The following EXT2 variants were observed in gnomAD, a reference collection of about 807,000 sequenced individuals.
The protein encoded by EXT2 is exostosin-2.
In EXT2, 53 loss-of-function variants were observed where a neutral mutation model predicts 81.6. The observed-to-expected ratio is 0.65, with a 90% confidence interval of 0.52 to 0.82. The LOEUF is 0.82. Among genes scored for constraint, EXT2 ranks in the 40% least tolerant of loss-of-function variants. The pLI is 0.00. For synonymous variants in EXT2, 320 were observed against 340.0 expected (o/e 0.94, Z 0.65); for missense variants, 774 against 910.2 (o/e 0.85, Z 1.93).
At position 44,234,172 on chromosome 11, in the gene EXT2, G is replaced by C. The variant is rs1365569842; in HGVS notation, c.1864G>C (p.Ala622Pro). 1.2e-6 allele frequency: 2 copies of C among 1,614,022 alleles called. No homozygotes were observed. The highest frequency in any genetic ancestry group is 2.7e-5 in the African/African-American group (2 of 74,926). ...TGGGGATATCAAGAACTGGGTAGAT[G>C]CTCATATGAACTGTGAAGATATTGC... ...MPGDIKNWVD[A>P]HMNCEDIAMN... Residue 622 changes from alanine to proline, a missense_variant, in exon 12 of 14, where the codon GCT becomes CCT. Ala to Pro is a conservative substitution (Grantham distance 27, BLOSUM62 -1). Coordinates refer to ENST00000533608, the MANE Select transcript of EXT2 (RefSeq NM_207122.2).
intron 7 of EXT2, among the ~76,000 whole-genome samples, chr11:44,152,561 G>T (rs1240469608): frequency 6.6e-6 from 1 of 152,162 alleles, no homozygotes; most frequent in Non-Finnish European, 1.5e-5. Context: ...ATGTTGGCCA[G>T]GCTGGTCTTG....
At chr11:44,195,866 C>T (rs999125396) in intron 8 of EXT2, among the ~76,000 whole-genome samples, 5 of 152,190 alleles carry the variant, frequency 3.3e-5, no homozygotes, top group African/African-American at 1.2e-4. Context: ...CACCGAATTA[C>T]ACATTTAACA....
intron 8 of EXT2, among the ~76,000 whole-genome samples, chr11:44,195,657 G>A (rs1234131180): frequency 6.6e-6 from 1 of 152,150 alleles, no homozygotes. Context: ...TTGTCACAAA[G>A]TTGGTGATGG....
chr11:44,157,316 C>G lies in EXT2; in HGVS notation c.1174-14295C>G, dbSNP rs573178940. On this transcript the variant is annotated intron_variant, in intron 7 of 13. Coordinates refer to ENST00000533608, the MANE Select transcript of EXT2 (RefSeq NM_207122.2). Reference sequence around the variant, plus strand: ...ATTCTGGCTTATGTCCTCTGCAGGACAGCAGGCCTCACCCCTGGCCCAAGT... The same window carrying G: ...ATTCTGGCTTATGTCCTCTGCAGGAGAGCAGGCCTCACCCCTGGCCCAAGT... 2.7e-4 allele frequency among the ~76,000 whole-genome samples: 41 copies of G among 152,308 alleles called. No individual in the cohort carries two copies. In the South Asian group the frequency reaches 7.5e-3, roughly 28 times the overall value.
At chr11:44,170,125 A>T (rs1955050342) in intron 7 of EXT2, among the ~76,000 whole-genome samples, 1 of 152,184 alleles carries the variant, frequency 6.6e-6, no homozygotes, top group South Asian at 2.1e-4. Context: ...AGTTTAAATA[A>T]ATTGCAAAGT....
chr11:44,119,139 T>TATATAC (rs1555004260), intron 4 of EXT2, among the ~76,000 whole-genome samples: 1 of 24,646 alleles, frequency 4.1e-5, no homozygotes, highest in South Asian at 1.0e-3. Context: ...TATATATATA[T>TATATAC]ATATATATAT....
At chr11:44,110,360 T>C (rs1954125667) in intron 3 of EXT2, among the ~76,000 whole-genome samples, 1 of 152,216 alleles carries the variant, frequency 6.6e-6, no homozygotes, top group Non-Finnish European at 1.5e-5. Flanking sequence ...AGGACCACCC[T>C]TCAGCTTTGG....
chr11:44,122,957 G>A (rs1954340093), intron 4 of EXT2, among the ~76,000 whole-genome samples: 2 of 152,156 alleles, frequency 1.3e-5, no homozygotes, highest in African/African-American at 4.8e-5. Flanking sequence ...AAGTTCTAGG[G>A]AGTCTGCTGG....
chr11:44,100,537 G>A (rs1953966788), intron 1 of EXT2, among the ~76,000 whole-genome samples: 1 of 152,128 alleles, frequency 6.6e-6, no homozygotes, highest in African/African-American at 2.4e-5. Flanking sequence ...TAAGGAGAGT[G>A]GAGTTGACTG....
In EXT2 at chr11:44,221,191, C is replaced by T. The variant is rs1955778146; in HGVS notation, c.1663-11162C>T. Among the ~76,000 whole-genome samples the T allele has an allele frequency of 2.0e-5, 3 of 152,122 alleles. 1 individual carries two copies. In the South Asian group the frequency reaches 6.2e-4, roughly 32 times the overall value. ...CTCGAAGACCCCCATTCCAAATAAG[C>T]CCATTCCATTGGTTTTAGTATGTGC... On this transcript the variant is annotated intron_variant, in intron 10 of 13. Transcript: ENST00000533608.
chr11:44,204,422 T>C lies in EXT2; in HGVS notation c.1496-2371T>C, dbSNP rs548425271. ...GTATCCTATATAAACAAAATCTCTTTGGGATTTTCAGTAATTTTTAAGAGC... is the reference window on the plus strand; with the variant it reads ...GTATCCTATATAAACAAAATCTCTTCGGGATTTTCAGTAATTTTTAAGAGC... On this transcript the variant is annotated intron_variant, in intron 9 of 13. Transcript: ENST00000533608. 4.3e-4 allele frequency among the ~76,000 whole-genome samples: 66 copies of C among 152,348 alleles called. No homozygotes were observed. In the South Asian group the frequency reaches 0.012, roughly 29 times the overall value.
rs1956116941 is a variant in EXT2, at chr11:44,248,858, C to T, written c.*4571C>T. On this transcript the variant is annotated 3_prime_UTR_variant, in exon 14 of 14. Transcript: ENST00000533608. The stretch of plus-strand genomic sequence containing the variant: ...AAGATGACCAGAGAAAGTTTGGCCC[C>T]CTCTCCCAAGCTTCCAGGCCTCTTT... Among the ~76,000 whole-genome samples the T allele has an allele frequency of 6.6e-6, 1 of 152,166 alleles. No individual in the cohort carries two copies. The highest frequency in any genetic ancestry group is 1.5e-5 in the Non-Finnish European group (1 of 68,040).
intron 8 of EXT2, among the ~76,000 whole-genome samples, chr11:44,180,935 C>G (rs892175464): frequency 1.3e-5 from 2 of 152,042 alleles, no homozygotes; most frequent in African/African-American, 2.4e-5. Flanking sequence ...AACCCCATCT[C>G]TACAAAAATA....
chr11:44,244,465 C>G lies in EXT2; in HGVS notation c.*178C>G. ...CAAGAACCTAGAATGAATATCCAAG[C>G]ACCTCGAGCTATGCAACCTCTGTTC... On this transcript the variant is annotated 3_prime_UTR_variant, in exon 14 of 14. Transcript: ENST00000533608. The G allele has an allele frequency of 1.6e-6, 1 of 635,894 alleles. No homozygotes were observed. The highest frequency in any genetic ancestry group is 2.8e-5 in the East Asian group (1 of 36,172). The allele number at this position is 635,894 out of a possible 1,614,324, so 39.4% of individuals were successfully genotyped here.
chr11:44,097,161 G>T (rs1241725441), intron 1 of EXT2, among the ~76,000 whole-genome samples: 2 of 152,182 alleles, frequency 1.3e-5, no homozygotes, highest in African/African-American at 4.8e-5. Context: ...GTGCTGTTAT[G>T]AAGATTAAAT....
chr11:44,183,472 C>T (rs994424458), intron 8 of EXT2, among the ~76,000 whole-genome samples: 2 of 152,024 alleles, frequency 1.3e-5, no homozygotes, highest in Non-Finnish European at 2.9e-5. Flanking sequence ...TTTAAAGGTT[C>T]TTCTTTAATC....
chr11:44,230,401 A>G (rs1955884952), intron 10 of EXT2, among the ~76,000 whole-genome samples: 6 of 152,174 alleles, frequency 3.9e-5, no homozygotes, highest in Admixed American at 2.6e-4. Context: ...CTTTCTTTAA[A>G]TATTTTGGGA....
intron 7 of EXT2, among the ~76,000 whole-genome samples, chr11:44,168,497 A>G (rs1955026244): frequency 6.6e-6 from 1 of 152,232 alleles, no homozygotes; most frequent in African/African-American, 2.4e-5. Flanking sequence ...AAGAAGCGCT[A>G]CAATCCTCAG....
chr11:44,200,082 T>A (rs1304490784), intron 9 of EXT2, among the ~76,000 whole-genome samples: 1 of 151,782 alleles, frequency 6.6e-6, no homozygotes, highest in Non-Finnish European at 1.5e-5. Flanking sequence ...AATGAGGCTG[T>A]CAGCTCTGGT....
Sources: allele counts gnomAD v4.1 joint callset (sites outside exome capture counted in the v4.1 genomes callset), GRCh38; gene constraint gnomAD v4.1.1; transcripts MANE v1.5; gene names NCBI Gene and HGNC (gene_info 2026-07-23, HGNC 2026-07-21).